GAB2: variants seen among roughly 807,000 people sequenced by gnomAD.
GAB2 encodes the protein GRB2-associated-binding protein 2.
A neutral mutation model predicts 65.5 loss-of-function variants in GAB2; 26 were observed. That is an observed-to-expected ratio of 0.40 (90% CI 0.29 to 0.55). The LOEUF is 0.55. Ranked by LOEUF, GAB2 falls within the 20% of genes least tolerant of loss-of-function variation. GAB2 has a pLI of 0.53. For synonymous variants in GAB2, 321 were observed against 329.6 expected, an observed-to-expected ratio of 0.97 and a Z score of 0.28; for missense variants, 884 against 875.8, an observed-to-expected ratio of 1.01 and a Z score of -0.12.
At chr11:78,341,329 G>A (rs767426696) in intron 1 of GAB2, among the ~76,000 whole-genome samples, 6 of 152,044 alleles carry the variant, frequency 3.9e-5, no homozygotes, top group East Asian at 1.9e-4. Flanking sequence ...GGTAAATATC[G>A]GAGAATGACA....
chr11:78,381,465 G>A (rs1036723728), intron 1 of GAB2, among the ~76,000 whole-genome samples: 1 of 152,184 alleles, frequency 6.6e-6, no homozygotes, highest in African/African-American at 2.4e-5. Flanking sequence ...CTAAGGCAGA[G>A]TAAGAACTTA....
chr11:78,278,403 G>C (rs369338282), intron 2 of GAB2, among the ~76,000 whole-genome samples: 11 of 150,294 alleles, frequency 7.3e-5, no homozygotes, highest in African/African-American at 2.4e-4. Flanking sequence ...TGTTTTTTGA[G>C]ACAGGGTCTC....
chr11:78,383,472 T>A (rs933772427), intron 1 of GAB2, among the ~76,000 whole-genome samples: 3 of 149,748 alleles, frequency 2.0e-5, no homozygotes, highest in African/African-American at 7.4e-5. Flanking sequence ...CAGCCGTGTG[T>A]GGTGGCTCAC....
intron 3 of GAB2, among the ~76,000 whole-genome samples, chr11:78,228,180 C>A (rs1864742286): frequency 6.6e-6 from 1 of 152,184 alleles, no homozygotes; most frequent in Non-Finnish European, 1.5e-5. Context: ...CGATGCTCTA[C>A]AAGCCCTTCG....
intron 2 of GAB2, among the ~76,000 whole-genome samples, chr11:78,268,269 C>A (rs78126205): frequency 5.3e-5 from 8 of 152,148 alleles, no homozygotes; most frequent in Non-Finnish European, 1.2e-4. Context: ...TGAGATAAAT[C>A]GTAACAAAGC....
intron 1 of GAB2, among the ~76,000 whole-genome samples, chr11:78,294,241 C>A (rs1438977575): frequency 4.6e-5 from 7 of 152,170 alleles, no homozygotes; most frequent in Non-Finnish European, 7.3e-5. Context: ...CTACAAAGGA[C>A]ATGAACTCAT....
rs1249630651 is a variant in GAB2 at position 78,217,706 on chromosome 11, C to A, written c.*1566G>T. 6.6e-6 allele frequency: 1 copy of A among 152,280 alleles called. No individual in the cohort carries two copies. The highest frequency in any genetic ancestry group is 1.5e-5 in the Non-Finnish European group (1 of 68,096). The allele number at this position is 152,280 out of a possible 1,614,324, so 9.4% of individuals were successfully genotyped here. Reference sequence around the variant, plus strand: ...AAGGAACCTTGGGTGATGCCCTACACCCCGTCCCTGCTAATCTGATGGCCT... The same window carrying A: ...AAGGAACCTTGGGTGATGCCCTACAACCCGTCCCTGCTAATCTGATGGCCT... On this transcript the variant is annotated 3_prime_UTR_variant, in exon 10 of 10. Transcript: ENST00000361507.
intron 2 of GAB2, among the ~76,000 whole-genome samples, chr11:78,257,850 A>C (rs1865634034): frequency 6.6e-6 from 1 of 151,992 alleles, no homozygotes; most frequent in African/African-American, 2.4e-5. Context: ...ATAGGCTCAG[A>C]GACATCAATA....
intron 6 of GAB2, among the ~76,000 whole-genome samples, chr11:78,222,803 G>T (rs3901229): frequency 6.6e-6 from 1 of 151,912 alleles, no homozygotes; most frequent in African/African-American, 2.4e-5. Context: ...GGCTGGTCTC[G>T]AACTTCTGAC....
At chr11:78,234,237 C>T (rs1337117245) in intron 3 of GAB2, among the ~76,000 whole-genome samples, 4 of 152,104 alleles carry the variant, frequency 2.6e-5, no homozygotes, top group African/African-American at 9.7e-5. Flanking sequence ...CACATGTGAC[C>T]GTGCCTGGCT....
chr11:78,381,023 G>A (rs983044846), intron 1 of GAB2, among the ~76,000 whole-genome samples: 16 of 152,294 alleles, frequency 1.1e-4, no homozygotes, highest in Middle Eastern at 6.8e-3. Context: ...TTCATTTGGA[G>A]TCAGTGTCTC....
chr11:78,404,603 G>T (rs987519048), intron 1 of GAB2, among the ~76,000 whole-genome samples: 1 of 152,230 alleles, frequency 6.6e-6, no homozygotes, highest in Non-Finnish European at 1.5e-5. Context: ...CCTGCCATTC[G>T]TGGCAACACG....
intron 1 of GAB2, among the ~76,000 whole-genome samples, chr11:78,320,055 G>A (rs746150432): frequency 6.6e-6 from 1 of 152,092 alleles, no homozygotes; most frequent in Non-Finnish European, 1.5e-5. Flanking sequence ...TTGCATTTTT[G>A]TGGAGATGGG....
rs149546871 is a variant in GAB2 at position 78,254,548 on chromosome 11, C to A, written c.377-4148G>T. On this transcript the variant is annotated intron_variant, in intron 2 of 9. Transcript: ENST00000361507. ...GGTGCAATAGCTCATGCTTGTAATC[C>A]CAACGCTTTGGGAGGCCAAGACAGG... 3.8e-3 allele frequency among the ~76,000 whole-genome samples: 584 copies of A among 152,166 alleles called. 4 individuals carry two copies. The highest frequency in any genetic ancestry group is 0.013 in the African/African-American group (554 of 41,510).
intron 1 of GAB2, among the ~76,000 whole-genome samples, chr11:78,307,635 A>AGAGAGAGAGAGAGAGAGAGAGAGAGG (rs1591022770): frequency 1.3e-5 from 2 of 150,438 alleles, no homozygotes; most frequent in Admixed American, 6.7e-5. Context: ...AGAGAGAGAG[A>AGAGAGAGAGAGAGAGAGAGAGAGAGG]TGTTGAGTCA....
chr11:78,388,634 T>C (rs962941776), intron 1 of GAB2, among the ~76,000 whole-genome samples: 13 of 152,210 alleles, frequency 8.5e-5, no homozygotes, highest in Admixed American at 2.0e-4. Context: ...GGCATCATAT[T>C]GTTTATAGAT....
intron 1 of GAB2, among the ~76,000 whole-genome samples, chr11:78,379,440 A>C (rs1565178715): frequency 6.6e-6 from 1 of 152,204 alleles, no homozygotes; most frequent in Non-Finnish European, 1.5e-5. Context: ...GTAAATTCAA[A>C]ATAACAGGGA....
chr11:78,404,787 T>C (rs1260153511), intron 1 of GAB2, among the ~76,000 whole-genome samples: 1 of 152,186 alleles, frequency 6.6e-6, no homozygotes, highest in Non-Finnish European at 1.5e-5. Flanking sequence ...AAAGAAGGGA[T>C]GGTTAGTGGG....
intron 5 of GAB2, among the ~76,000 whole-genome samples, chr11:78,224,160 C>G (rs58773411): frequency 0.02 from 3,096 of 152,246 alleles, 95 homozygotes; most frequent in African/African-American, 0.07. Flanking sequence ...CAAGCCTTCA[C>G]GATCCTTTGG....
Sources: gnomAD v4.1 joint callset for allele counts (sites outside exome capture counted in the v4.1 genomes callset) on GRCh38, gnomAD v4.1.1 for gene constraint, MANE v1.5 for transcripts, NCBI Gene and HGNC (gene_info 2026-07-23, HGNC 2026-07-21) for gene names.